FAM120C: variants seen among roughly 807,000 people sequenced by gnomAD.
FAM120C encodes constitutive coactivator of PPAR-gamma-like protein 2.
In FAM120C, 14 loss-of-function variants were observed where a neutral mutation model predicts 71.2. That is an observed-to-expected ratio of 0.20 (90% CI 0.13 to 0.31). The LOEUF (loss-of-function observed/expected upper bound fraction) is 0.31, where lower values mean the gene tolerates loss of function less well. Among genes scored for constraint, FAM120C ranks in the 10% least tolerant of loss-of-function variants. The pLI is 1.00. For synonymous variants in FAM120C, 354 were observed against 353.2 expected, an observed-to-expected ratio of 1.00 and a Z score of -0.03; for missense variants, 500 against 879.0, an observed-to-expected ratio of 0.57 and a Z score of 5.45.
At chrX:54,163,197 A>G (rs1463422675) in intron 1 of FAM120C, among the ~76,000 whole-genome samples, 7 of 112,259 alleles carry the variant, frequency 6.2e-5, no homozygotes, top group African/African-American at 1.9e-4. Flanking sequence ...CTGAAAATCT[A>G]TGTTCACACA....
chrX:54,094,740 T>A (rs1603353104), intron 10 of FAM120C, among the ~76,000 whole-genome samples: 1 of 109,023 alleles, frequency 9.2e-6, no homozygotes, highest in East Asian at 2.9e-4. Flanking sequence ...CTACTAAAAA[T>A]ACAAAAATTA....
intron 15 of FAM120C, among the ~76,000 whole-genome samples, 166 bp from the exon 16 acceptor site, chrX:54,073,453 C>T (rs868916504): frequency 5.6e-5 from 6 of 107,504 alleles, no homozygotes; most frequent in Admixed American, 2.0e-4. Flanking sequence ...TTTTTTAAGA[C>T]GGAGTCTCGC....
At chrX:54,115,131 A>T (rs2066961233) in intron 10 of FAM120C, among the ~76,000 whole-genome samples, 1 of 112,017 alleles carries the variant, frequency 8.9e-6, no homozygotes, top group African/African-American at 3.2e-5. Flanking sequence ...ATAAAGTTTA[A>T]ACAAATTGTG....
chrX:54,099,614 T>C (rs2066872383), intron 10 of FAM120C, among the ~76,000 whole-genome samples: 1 of 112,325 alleles, frequency 8.9e-6, no homozygotes, highest in African/African-American at 3.2e-5. Context: ...TAGTTTTCAG[T>C]CTGACATTTA....
intron 3 of FAM120C, among the ~76,000 whole-genome samples, chrX:54,157,069 C>A (rs1488038030): frequency 9.1e-6 from 1 of 109,639 alleles, no homozygotes; most frequent in Non-Finnish European, 1.9e-5. Context: ...AAAAATCACA[C>A]TGATCATTTA....
intron 10 of FAM120C, among the ~76,000 whole-genome samples, chrX:54,093,840 G>A (rs2066835660): frequency 9.0e-6 from 1 of 111,291 alleles, no homozygotes; most frequent in Admixed American, 9.7e-5. Context: ...TTATTCCCAA[G>A]GAATTTCCTG....
Position 54,135,674 on chromosome X carries a change from C to T in FAM120C, c.1259-70G>A, listed in dbSNP as rs1172369549. ...TTTACCATGTTATATTCTGCTCACCCCATATCACCTGAAAAAGTGTTATTA... is the reference window on the plus strand; with the variant it reads ...TTTACCATGTTATATTCTGCTCACCTCATATCACCTGAAAAAGTGTTATTA... On this transcript the variant is annotated intron_variant, in intron 5 of 15. Coordinates refer to ENST00000375180, the MANE Select transcript of FAM120C (RefSeq NM_017848.6). 11 of 828,236 alleles carry T rather than the reference C, an allele frequency of 1.3e-5. No homozygotes were observed. The African/African-American group carries it at 2.2e-4, about 17-fold the overall frequency. 68.3% of individuals were successfully genotyped at this position (828,236 alleles called of 1,213,427 possible). A position where few individuals can be genotyped will look rare whatever the true frequency, so the allele number is the denominator to read the frequency against.
At chrX:54,143,308 T>C (rs1201606221) in intron 4 of FAM120C, among the ~76,000 whole-genome samples, 6 of 108,243 alleles carry the variant, frequency 5.5e-5, no homozygotes, top group Non-Finnish European at 1.2e-4. Flanking sequence ...AAGAAATAAC[T>C]AAGATCAGAG....
intron 3 of FAM120C, among the ~76,000 whole-genome samples, chrX:54,153,629 A>G (rs1217973180): frequency 9.4e-6 from 1 of 106,453 alleles, no homozygotes; most frequent in Non-Finnish European, 1.9e-5. Context: ...GTGCAGTGGC[A>G]TGATCTCGGC....
intron 9 of FAM120C, among the ~76,000 whole-genome samples, chrX:54,125,291 C>A (rs192819396): frequency 9.1e-6 from 1 of 110,399 alleles, no homozygotes; most frequent in East Asian, 2.9e-4. Flanking sequence ...CATGTCAATA[C>A]CTCTGCCTAG....
intron 10 of FAM120C, among the ~76,000 whole-genome samples, chrX:54,107,774 G>C (rs1212088526): frequency 9.8e-6 from 1 of 101,570 alleles, no homozygotes; most frequent in Non-Finnish European, 2.0e-5. Flanking sequence ...CACCCTCCTC[G>C]GCCTCCCAAA....
intron 9 of FAM120C, among the ~76,000 whole-genome samples, chrX:54,132,491 A>G (rs2067073204): frequency 1.8e-5 from 2 of 112,134 alleles, no homozygotes; most frequent in South Asian, 7.4e-4. Flanking sequence ...CATGGTTCTT[A>G]TAAGTAGTAG....
chrX:54,164,669 T>G (rs1557134894), intron 1 of FAM120C, among the ~76,000 whole-genome samples: 2 of 112,443 alleles, frequency 1.8e-5, no homozygotes, highest in Non-Finnish European at 1.9e-5. Context: ...AACAGACATT[T>G]GGGTTGCTTC....
chrX:54,162,359 C>T (rs187159982), intron 1 of FAM120C, among the ~76,000 whole-genome samples: 15 of 111,842 alleles, frequency 1.3e-4, no homozygotes, highest in Non-Finnish European at 2.8e-4. Flanking sequence ...TGAATACTTT[C>T]CATAGGCCTG....
rs1557133000 is a variant in FAM120C, at chrX:54,151,387, A to G, written c.1030-14T>C. 8.3e-7 allele frequency: 1 copy of G among 1,204,240 alleles called. No individual in the cohort carries two copies. The highest frequency in any genetic ancestry group is 1.7e-5 in the African/African-American group (1 of 57,667). On this transcript the variant is annotated splice_polypyrimidine_tract_variant and intron_variant, in intron 3 of 15. Transcript: ENST00000375180. The stretch of plus-strand genomic sequence containing the variant: ...ATGAGCTCGAACCTAGAAAGGCAAG[A>G]TAAGCAAGGGACACTGACATCAAAG...
chrX:54,140,341 G>A (rs1557131474), intron 4 of FAM120C, among the ~76,000 whole-genome samples: 2 of 107,979 alleles, frequency 1.9e-5, no homozygotes, highest in African/African-American at 6.7e-5. Context: ...AATAATAGCT[G>A]GGCGCGGTGG....
Position 54,070,478 on chromosome X carries a change from T to C in FAM120C, c.*2555A>G, listed in dbSNP as rs1384241916. 8.9e-6 allele frequency: 1 copy of C among 112,281 alleles called. No homozygotes were observed. The highest frequency in any genetic ancestry group is 3.2e-5 in the African/African-American group (1 of 30,942). The allele number at this position is 112,281 out of a possible 1,213,427, so 9.3% of individuals were successfully genotyped here. On this transcript the variant is annotated 3_prime_UTR_variant, in exon 16 of 16. Coordinates refer to ENST00000375180, the MANE Select transcript of FAM120C (RefSeq NM_017848.6). The stretch of plus-strand genomic sequence containing the variant: ...ATTCAAGATGCACAGAAATAGCAAC[T>C]GCAAAAAATATCTTAGCAATTTTAA...
chrX:54,146,423 G>A (rs1322516353), intron 4 of FAM120C, among the ~76,000 whole-genome samples: 3 of 112,273 alleles, frequency 2.7e-5, no homozygotes, highest in African/African-American at 9.7e-5. Flanking sequence ...GCTCATGCCT[G>A]TAATCCCAGT....
chrX:54,145,533 G>A lies in FAM120C; in HGVS notation c.1158+5712C>T, dbSNP rs2067150501. ...ACACTTCTCAAAATAAGACATTTAT[G>A]CAGACAAAAGACACATGAAAAAATG... On this transcript the variant is annotated intron_variant, in intron 4 of 15. Transcript: ENST00000375180. 3.6e-5 allele frequency among the ~76,000 whole-genome samples: 4 copies of A among 112,435 alleles called. No homozygotes were observed. The South Asian group carries it at 1.5e-3, about 41-fold the overall frequency.
Sources: allele counts gnomAD v4.1 joint callset (sites outside exome capture counted in the v4.1 genomes callset), GRCh38; gene constraint gnomAD v4.1.1; transcripts MANE v1.5; gene names NCBI Gene and HGNC (gene_info 2026-07-23, HGNC 2026-07-21).